BIRC6: variants seen among roughly 807,000 people sequenced by gnomAD.
BIRC6 encodes the protein dual E2 ubiquitin-conjugating enzyme/E3 ubiquitin-protein ligase BIRC6.
BIRC6 carries 98 observed loss-of-function variants against 503.3 expected under a neutral mutation model. The observed-to-expected ratio is 0.19, with a 90% confidence interval of 0.17 to 0.23. The LOEUF is 0.23. Among genes scored for constraint, BIRC6 ranks in the 10% least tolerant of loss-of-function variants. The probability of loss-of-function intolerance (pLI) is 1.00; values close to 1 mark genes in which losing one functional copy is unlikely to be tolerated. For missense variants in BIRC6, 5,360 were observed against 5,806.0 expected, an observed-to-expected ratio of 0.92 and a Z score of 2.50; for synonymous variants, 2,240 against 2,078.7, an observed-to-expected ratio of 1.08 and a Z score of -2.11.
At chr2:32,612,899 C>T (rs561131953) in intron 73 of BIRC6, among the ~76,000 whole-genome samples, 183 of 152,286 alleles carry the variant, frequency 1.2e-3, no homozygotes, top group Non-Finnish European at 2.1e-3. Context: ...AACAGATTGT[C>T]TTCTTTCACC....
At chr2:32,474,083 A>T (rs1020362453) in intron 33 of BIRC6, among the ~76,000 whole-genome samples, 2 of 151,964 alleles carry the variant, frequency 1.3e-5, no homozygotes, top group African/African-American at 4.8e-5. Flanking sequence ...TTGCTTTAAG[A>T]TGTAAGAAGA....
chr2:32,603,604 C>G (rs2062213592), intron 71 of BIRC6, among the ~76,000 whole-genome samples: 1 of 152,082 alleles, frequency 6.6e-6, no homozygotes. Context: ...CCTATAATCC[C>G]AGCTACTAGG....
chr2:32,570,335 T>G (rs888889253), intron 65 of BIRC6, among the ~76,000 whole-genome samples: 1 of 152,148 alleles, frequency 6.6e-6, no homozygotes, highest in African/African-American at 2.4e-5. Context: ...TGAGATCAGC[T>G]TGTGAGACTG....
At chr2:32,509,543 G>A (rs775316835) in intron 51 of BIRC6, 195 bp from the exon 52 acceptor site, 10 of 628,208 alleles carry the variant, frequency 1.6e-5, no homozygotes, top group South Asian at 8.2e-5. Context: ...GTTAGCCACC[G>A]TGCCTGGCCA....
At chr2:32,370,422 A>C (rs187062902) in intron 1 of BIRC6, among the ~76,000 whole-genome samples, 2 of 152,152 alleles carry the variant, frequency 1.3e-5, no homozygotes, top group Non-Finnish European at 2.9e-5. Context: ...TTCTGTGCTT[A>C]AGTAGATGTT....
chr2:32,525,367 C>T, intron 58 of BIRC6, 97 bp from the exon 59 acceptor site: 1 of 1,290,938 alleles, frequency 7.7e-7, no homozygotes, highest in South Asian at 1.3e-5. Context: ...CTGACATTAG[C>T]TAGGAATGCA....
intron 36 of BIRC6, among the ~76,000 whole-genome samples, chr2:32,479,047 TG>T (rs2050085626): frequency 6.6e-6 from 1 of 152,232 alleles, no homozygotes; most frequent in African/African-American, 2.4e-5. Context: ...GGCTTTGGGT[TG>T]TTAAAGTGCA....
intron 51 of BIRC6, among the ~76,000 whole-genome samples, chr2:32,509,444 G>C (rs1281354695): frequency 6.6e-6 from 1 of 152,122 alleles, no homozygotes; most frequent in South Asian, 2.1e-4. Context: ...TAGTAGATAA[G>C]GGGTTTCACC....
In BIRC6 at chr2:32,507,117, C is replaced by T. The variant is rs150589097; in HGVS notation, c.9701-863C>T. Among the ~76,000 whole-genome samples the T allele has an allele frequency of 3.6e-3, 549 of 152,002 alleles. 1 individual carries two copies. Among genetic ancestry groups the T allele is most frequent in the Middle Eastern group, 6.8e-3 (2 of 294 alleles). On this transcript the variant is annotated intron_variant, in intron 50 of 73. Coordinates refer to ENST00000421745, the MANE Select transcript of BIRC6 (RefSeq NM_016252.4). Reference sequence around the variant, plus strand: ...CAAGAATTGATTTTTTAAAAAAAATCCTGTGGATATTTGGTTTAATTTGAA... The same window carrying T: ...CAAGAATTGATTTTTTAAAAAAAATTCTGTGGATATTTGGTTTAATTTGAA...
In BIRC6 at chr2:32,488,626, G is replaced by A. The variant is rs760845398; in HGVS notation, c.8007G>A (p.Leu2669=). 2.5e-5 allele frequency: 38 copies of A among 1,533,780 alleles called. No individual in the cohort carries two copies. Among genetic ancestry groups the A allele is most frequent in the Non-Finnish European group, 1.8e-6 (2 of 1,135,322 alleles). ...TCCAATTGTGGCTCACACTGAGCCT[G>A]AATTCTAGTTCAACTGGAAACAAAG... ...SLLQLWLTLS[L]NSSSTGNKEN... The change falls in exon 42 of 74, where the codon CTG becomes CTA. Residue 2669 remains leucine, a synonymous_variant. Transcript: ENST00000421745.
At chr2:32,427,274 TTTTTA>T (rs1422957708) in intron 10 of BIRC6, among the ~76,000 whole-genome samples, 1 of 149,282 alleles carries the variant, frequency 6.7e-6, no homozygotes, top group Admixed American at 6.9e-5. Context: ...CTTCTTTTAA[TTTTTA>T]TTTTATTTTA....
chr2:32,487,416 T>G (rs1355125931), intron 40 of BIRC6, among the ~76,000 whole-genome samples: 1 of 152,190 alleles, frequency 6.6e-6, no homozygotes, highest in Non-Finnish European at 1.5e-5. Flanking sequence ...CCTTTTTTTG[T>G]TGGTTTGAGT....
Position 32,429,262 on chromosome 2 carries a change from C to T in BIRC6, c.2989C>T (p.Pro997Ser). ...AGAACCATCTTCAGAAGGTTCCAAA[C>T]CTTTATCAAATCCTTCAAGTCCTGG... The part of the protein sequence containing the change: ...GIEPSSEGSK[P>S]LSNPSSPGIS... The change falls in exon 11 of 74, where the codon CCT becomes TCT. Residue 997 changes from proline (P) to serine (S), a missense_variant. Pro to Ser is a moderately conservative substitution (Grantham distance 74). Coordinates refer to ENST00000421745, the MANE Select transcript of BIRC6 (RefSeq NM_016252.4). The T allele has an allele frequency of 6.5e-7, 1 of 1,533,330 alleles. No individual in the cohort carries two copies. The highest frequency in any genetic ancestry group is 1.7e-4 in the Middle Eastern group (1 of 5,918). The allele number at this position is 1,533,330 out of a possible 1,614,324, so 95.0% of individuals were successfully genotyped here.
At chr2:32,393,875 A>C (rs2149597935) in intron 5 of BIRC6, among the ~76,000 whole-genome samples, 1 of 152,144 alleles carries the variant, frequency 6.6e-6, no homozygotes, top group South Asian at 2.1e-4. Flanking sequence ...GTCATTTAGA[A>C]TCTGAAGATT....
intron 71 of BIRC6, among the ~76,000 whole-genome samples, chr2:32,605,894 C>A (rs893424792): frequency 8.5e-5 from 13 of 152,086 alleles, no homozygotes; most frequent in Non-Finnish European, 2.9e-5. Context: ...AATATGAGAT[C>A]TTTATCTCAG....
In BIRC6 at chr2:32,515,665, A is replaced by T; in HGVS notation, c.11244A>T (p.Thr3748=). 9 of 1,608,918 alleles carry T rather than the reference A, an allele frequency of 5.6e-6. No individual in the cohort carries two copies. The highest frequency in any genetic ancestry group is 4.2e-6 in the Non-Finnish European group (5 of 1,179,858). The change falls in exon 55 of 74, where the codon ACA becomes ACT. Residue 3748 remains threonine, a synonymous_variant. Coordinates refer to ENST00000421745, the MANE Select transcript of BIRC6 (RefSeq NM_016252.4). The part of the protein sequence containing the change: ...ARSASLSSAA[T]TGLTTQQRTA... ...CAGCTTCTCTTTCTTCAGCTGCTAC[A>T]ACAGGACTGACTACTCAACAGCGCA...
intron 6 of BIRC6, among the ~76,000 whole-genome samples, chr2:32,396,265 C>T (rs993002721): frequency 1.3e-5 from 2 of 152,006 alleles, no homozygotes; most frequent in African/African-American, 4.8e-5. Context: ...CCAGTTTAAC[C>T]TTTACAGTCA....
intron 1 of BIRC6, among the ~76,000 whole-genome samples, chr2:32,369,690 A>T (rs1262733053): frequency 6.6e-6 from 1 of 151,640 alleles, no homozygotes; most frequent in Non-Finnish European, 1.5e-5. Flanking sequence ...AGCTTCCCAA[A>T]GTGCTGGGAT....
chr2:32,486,548 C>G (rs962299403), intron 40 of BIRC6, among the ~76,000 whole-genome samples: 1 of 152,110 alleles, frequency 6.6e-6, no homozygotes, highest in African/African-American at 2.4e-5. Flanking sequence ...GAAGAGGGTG[C>G]TGGTTTTTGT....
Sources: gnomAD v4.1 joint callset for allele counts (sites outside exome capture counted in the v4.1 genomes callset) on GRCh38, gnomAD v4.1.1 for gene constraint, MANE v1.5 for transcripts, NCBI Gene and HGNC (gene_info 2026-07-23, HGNC 2026-07-21) for gene names.